PPIP5K2: variants seen among roughly 807,000 people sequenced by gnomAD.
The protein encoded by PPIP5K2 is diphosphoinositol pentakisphosphate kinase 2.
A neutral mutation model predicts 154.6 loss-of-function variants in PPIP5K2; 105 were observed. The observed-to-expected ratio is 0.68, with a 90% CI of 0.58 to 0.80. The LOEUF is 0.80. PPIP5K2 is among the 30% of genes least tolerant of loss of function. The probability of loss-of-function intolerance (pLI) is 0.00; values close to 1 mark genes in which losing one functional copy is unlikely to be tolerated. For synonymous variants in PPIP5K2, 480 were observed against 490.3 expected (o/e 0.98, Z 0.28); for missense variants, 992 against 1,504.6 (o/e 0.66, Z 5.64).
chr5:103,154,787 TG>T (rs1209556442), intron 12 of PPIP5K2, 42 bp downstream of exon 12: 8 of 1,549,406 alleles, frequency 5.2e-6, no homozygotes, highest in Non-Finnish European at 7.0e-6. Flanking sequence ...AATTTTTTAG[TG>T]GTGAAATTAC....
intron 25 of PPIP5K2, 128 bp downstream of exon 25, chr5:103,183,535 T>C: frequency 1.2e-6 from 1 of 801,624 alleles, no homozygotes. Context: ...TAATTTTGAG[T>C]TCATTTAAAA....
chr5:103,145,028 C>A (rs2149529718), intron 5 of PPIP5K2, among the ~76,000 whole-genome samples: 1 of 151,832 alleles, frequency 6.6e-6, no homozygotes, highest in African/African-American at 2.4e-5. Context: ...GGACTAATAA[C>A]CAGAATATAT....
In PPIP5K2 at chr5:103,129,368, GCAA is replaced by G. The variant is rs1186485043; in HGVS notation, c.-214_-212del. Reference sequence around the variant, plus strand: ...CTTCACTGTCTTTGTATTTTGAATTGCAACAACAACTTTGATATCAACAATGAA... The same window carrying G: ...CTTCACTGTCTTTGTATTTTGAATTGCAACAACTTTGATATCAACAATGAA... On this transcript the variant is annotated 5_prime_UTR_variant, in exon 2 of 31. Transcript: ENST00000358359. The G allele has an allele frequency of 1.0e-5, 3 of 298,952 alleles. No individual in the cohort carries two copies. The highest frequency in any genetic ancestry group is 1.9e-5 in the Non-Finnish European group (3 of 162,130). 18.5% of individuals were successfully genotyped at this position (298,952 alleles called of 1,614,324 possible).
At chr5:103,161,779 C>T (rs1554215890) in intron 17 of PPIP5K2, among the ~76,000 whole-genome samples, 3 of 152,018 alleles carry the variant, frequency 2.0e-5, no homozygotes, top group East Asian at 1.9e-4. Flanking sequence ...TCATATCCTT[C>T]ACCCACTTTT....
At position 103,155,097 on chromosome 5, in the gene PPIP5K2, T is replaced by C. The variant is rs182338333; in HGVS notation, c.1403+154T>C. Among the ~76,000 whole-genome samples, 625 of 152,224 alleles carry C rather than the reference T, an allele frequency of 4.1e-3. 6 individuals are homozygous for C. Among genetic ancestry groups the C allele is most frequent in the African/African-American group, 0.014 (578 of 41,570 alleles). The stretch of plus-strand genomic sequence containing the variant: ...GAAGGAAAATCTAATGTGAAAAAAA[T>C]AGATTGCTGTATTGAAGGTTTTAGC... On this transcript the variant is annotated intron_variant, in intron 13 of 30. Coordinates refer to ENST00000358359, the MANE Select transcript of PPIP5K2 (RefSeq NM_001276277.3).
At chr5:103,173,359 G>T in intron 20 of PPIP5K2, 77 bp downstream of exon 20, 1 of 1,452,040 alleles carries the variant, frequency 6.9e-7, no homozygotes. Context: ...TACTTTGATG[G>T]TCCTATGAAG....
intron 30 of PPIP5K2, among the ~76,000 whole-genome samples, chr5:103,198,671 A>G (rs1418814961): frequency 6.6e-6 from 1 of 152,114 alleles, no homozygotes; most frequent in Non-Finnish European, 1.5e-5. Flanking sequence ...AATTTCCAGT[A>G]ATGTTTTGTT....
chr5:103,152,584 C>A, intron 9 of PPIP5K2, 64 bp from the exon 10 acceptor site: 1 of 955,126 alleles, frequency 1.0e-6, no homozygotes, highest in Non-Finnish European at 1.7e-6. Flanking sequence ...CTCTCATCCT[C>A]ATTAAGTACC....
At chr5:103,131,034 T>C (rs1343071699) in intron 2 of PPIP5K2, among the ~76,000 whole-genome samples, 2 of 152,210 alleles carry the variant, frequency 1.3e-5, no homozygotes, top group African/African-American at 2.4e-5. Flanking sequence ...AATGACCTTA[T>C]TTTGGGATAC....
chr5:103,138,620 TA>T, intron 5 of PPIP5K2, 151 bp downstream of exon 5: 1 of 488,654 alleles, frequency 2.0e-6, no homozygotes, highest in East Asian at 3.5e-5. Context: ...CATATTCAAT[TA>T]AAAGGTGACA....
chr5:103,194,805 T>C, intron 29 of PPIP5K2, 95 bp from the exon 30 acceptor site: 1 of 1,349,872 alleles, frequency 7.4e-7, no homozygotes. Flanking sequence ...TTATGAATAT[T>C]CGTAGGGTCA....
At chr5:103,174,476 G>A (rs776454626) in intron 21 of PPIP5K2, among the ~76,000 whole-genome samples, 17 of 151,996 alleles carry the variant, frequency 1.1e-4, no homozygotes, top group Admixed American at 3.3e-4. Context: ...GTCAGACAGT[G>A]GCTGGGTCTC....
At position 103,209,933 on chromosome 5, in the gene PPIP5K2, T is replaced by C. The variant is rs1803713058; in HGVS notation, c.*8299T>C. The C allele has an allele frequency of 6.6e-6, 1 of 152,170 alleles. No individual in the cohort carries two copies. The highest frequency in any genetic ancestry group is 1.5e-5 in the Non-Finnish European group (1 of 68,022). 9.4% of individuals were successfully genotyped at this position (152,170 alleles called of 1,614,324 possible). ...TTCATGCCACATAGATATGCTGATTTGTCCAACAATGCCTGTACTCAAAAG... is the reference window on the plus strand; with the variant it reads ...TTCATGCCACATAGATATGCTGATTCGTCCAACAATGCCTGTACTCAAAAG... On this transcript the variant is annotated 3_prime_UTR_variant, in exon 31 of 31. Coordinates refer to ENST00000358359, the MANE Select transcript of PPIP5K2 (RefSeq NM_001276277.3).
rs539225000 is a variant in PPIP5K2, at chr5:103,177,027, GA to G, written c.2530-634del. 11 of 652,052 alleles carry G rather than the reference GA, an allele frequency of 1.7e-5. No homozygotes were observed. The East Asian group carries it at 3.5e-4, about 21-fold the overall frequency. The allele number at this position is 652,052 out of a possible 1,614,324, so 40.4% of individuals were successfully genotyped here. A position where few individuals can be genotyped will look rare whatever the true frequency, so the allele number is the denominator to read the frequency against. On this transcript the variant is annotated intron_variant, in intron 21 of 30. Coordinates refer to ENST00000358359, the MANE Select transcript of PPIP5K2 (RefSeq NM_001276277.3). ...GCATACATGAACTATATGATGGTGG[GA>G]AAAAATGGCATTCCTGTTATAGGAT... is the stretch of plus-strand genomic sequence containing the variant.
chr5:103,140,161 AAAAAATCTT>A (rs1792310052), intron 5 of PPIP5K2, among the ~76,000 whole-genome samples: 1 of 152,122 alleles, frequency 6.6e-6, no homozygotes, highest in African/African-American at 2.4e-5. Context: ...AAAAAAAAAA[AAAAAATCTT>A]AAAAATAGCC....
In PPIP5K2 at chr5:103,194,441, T is replaced by TA. The variant is rs559222311; in HGVS notation, c.3494-458dup. 2.0e-5 allele frequency among the ~76,000 whole-genome samples: 3 copies of TA among 152,286 alleles called. No homozygotes were observed. The South Asian group carries it at 6.2e-4, about 32-fold the overall frequency. On this transcript the variant is annotated intron_variant, in intron 29 of 30. Transcript: ENST00000358359. ...ATTATAAGTAATAAATAAGTCAAAT[T>TA]ATTTTTCTGTATTAGCCAGTTGAAA...
In PPIP5K2 at chr5:103,212,787, C is replaced by T. The variant is rs1291422031; in HGVS notation, c.*11153C>T. Reference sequence around the variant, plus strand: ...CTCATTACCCAAGTAAAACTGTTTTCATTTTTCCATTATCCCTTTTAGTTG... The same window carrying T: ...CTCATTACCCAAGTAAAACTGTTTTTATTTTTCCATTATCCCTTTTAGTTG... On this transcript the variant is annotated 3_prime_UTR_variant, in exon 31 of 31. Coordinates refer to ENST00000358359, the MANE Select transcript of PPIP5K2 (RefSeq NM_001276277.3). 3.3e-5 allele frequency: 5 copies of T among 151,986 alleles called. No homozygotes were observed. The highest frequency in any genetic ancestry group is 1.2e-4 in the African/African-American group (5 of 41,420). The allele number at this position is 151,986 out of a possible 1,614,324, so 9.4% of individuals were successfully genotyped here. A position where few individuals can be genotyped will look rare whatever the true frequency, so the allele number is the denominator to read the frequency against.
At chr5:103,177,357 C>A (rs1408774422) in intron 21 of PPIP5K2, among the ~76,000 whole-genome samples, 1 of 151,856 alleles carries the variant, frequency 6.6e-6, no homozygotes, top group African/African-American at 2.4e-5. Context: ...CAAAATTCTC[C>A]AATGAGTATT....
At chr5:103,194,419 A>G (rs1343750821) in intron 29 of PPIP5K2, among the ~76,000 whole-genome samples, 1 of 152,160 alleles carries the variant, frequency 6.6e-6, no homozygotes, top group Non-Finnish European at 1.5e-5. Flanking sequence ...TAACTAAATT[A>G]TAAGTAATAA....
Sources: allele counts gnomAD v4.1 joint callset (sites outside exome capture counted in the v4.1 genomes callset), GRCh38; gene constraint gnomAD v4.1.1; transcripts MANE v1.5; gene names NCBI Gene and HGNC (gene_info 2026-07-23, HGNC 2026-07-21).